Variants in CNTN5 observed in about 807,000 individuals in gnomAD.
CNTN5 encodes contactin 5.
Under a neutral mutation model 129.1 loss-of-function variants are expected in CNTN5, and 77 were observed. The ratio of observed to expected loss-of-function variants is 0.60; its 90% CI spans 0.50 to 0.72. The LOEUF (loss-of-function observed/expected upper bound fraction) is 0.72. CNTN5 is among the 30% of genes least tolerant of loss of function. CNTN5 has a pLI of 0.00. For missense variants in CNTN5, 1,478 were observed against 1,328.8 expected (o/e 1.11, Z -1.75); for synonymous variants, 509 against 465.6 (o/e 1.09, Z -1.20).
At chr11:99,676,154 T>C (rs1294799309) in intron 3 of CNTN5, among the ~76,000 whole-genome samples, 2 of 137,292 alleles carry the variant, frequency 1.5e-5, no homozygotes, top group Admixed American at 7.8e-5. Context: ...TTTATAATTA[T>C]TGATTTTATT....
intron 21 of CNTN5, among the ~76,000 whole-genome samples, chr11:100,313,448 CAAA>C (rs35425874): frequency 3.9e-5 from 5 of 127,746 alleles, no homozygotes; most frequent in African/African-American, 5.9e-5. Context: ...GTGCCATTTA[CAAA>C]AAAAAAAAAA....
chr11:99,963,294 C>G (rs1251246789), intron 8 of CNTN5, among the ~76,000 whole-genome samples: 3 of 152,172 alleles, frequency 2.0e-5, no homozygotes, highest in African/African-American at 7.2e-5. Flanking sequence ...GGTTTTAGGT[C>G]TAACATGTAA....
chr11:100,297,741 G>T, intron 19 of CNTN5, 46 bp downstream of exon 19: 2 of 1,371,588 alleles, frequency 1.5e-6, no homozygotes, highest in East Asian at 2.4e-5. Flanking sequence ...GTGTTTGTTT[G>T]GCTTAGTGTG....
chr11:100,329,843 A>T (rs1951867943), intron 21 of CNTN5, among the ~76,000 whole-genome samples: 1 of 152,206 alleles, frequency 6.6e-6, no homozygotes, highest in African/African-American at 2.4e-5. Context: ...TTAATCCCAG[A>T]TCTTCCCTCT....
At chr11:99,492,395 T>A (rs1946070414) in intron 2 of CNTN5, among the ~76,000 whole-genome samples, 1 of 152,200 alleles carries the variant, frequency 6.6e-6, no homozygotes. Context: ...ATTTATTTTT[T>A]CTTTCTCAGG....
intron 3 of CNTN5, among the ~76,000 whole-genome samples, chr11:99,770,597 T>A (rs1056581711): frequency 6.6e-6 from 1 of 152,102 alleles, no homozygotes; most frequent in African/African-American, 2.4e-5. Flanking sequence ...GTATTATGTC[T>A]TTATTTGTGT....
At chr11:99,859,236 G>A (rs373548832) in intron 6 of CNTN5, among the ~76,000 whole-genome samples, 6 of 152,198 alleles carry the variant, frequency 3.9e-5, no homozygotes, top group African/African-American at 1.4e-4. Context: ...GAACTGAAAA[G>A]GATCATATAT....
intron 3 of CNTN5, among the ~76,000 whole-genome samples, chr11:99,597,974 C>T (rs1457479968): frequency 6.6e-6 from 1 of 152,068 alleles, no homozygotes; most frequent in African/African-American, 2.4e-5. Flanking sequence ...ATAGTAAGCC[C>T]TCATTGACAC....
rs576554433 is a variant in CNTN5, at chr11:100,138,589, T to A, written c.1581-52537T>A. The stretch of plus-strand genomic sequence containing the variant: ...ATTTAAGAAACAGCAAACAGATTAC[T>A]ATGGCTGATGATGATTGAGTGATGG... On this transcript the variant is annotated intron_variant, in intron 13 of 24. Transcript: ENST00000524871. Among the ~76,000 whole-genome samples, 4 of 152,182 alleles carry A rather than the reference T, an allele frequency of 2.6e-5. No homozygotes were observed. In the East Asian group the frequency reaches 7.8e-4, roughly 29 times the overall value.
intron 1 of CNTN5, among the ~76,000 whole-genome samples, chr11:99,228,706 A>G (rs2135721814): frequency 6.6e-6 from 1 of 152,198 alleles, no homozygotes; most frequent in Non-Finnish European, 1.5e-5. Context: ...CTTTGAAGTT[A>G]GAGATTTTTT....
At chr11:99,634,373 T>C (rs1951472469) in intron 3 of CNTN5, among the ~76,000 whole-genome samples, 1 of 152,162 alleles carries the variant, frequency 6.6e-6, no homozygotes, top group Non-Finnish European at 1.5e-5. Flanking sequence ...TAGATGAAAG[T>C]GGACAGGCTT....
intron 3 of CNTN5, among the ~76,000 whole-genome samples, chr11:99,752,146 G>A (rs1944257628): frequency 6.6e-6 from 1 of 152,070 alleles, no homozygotes; most frequent in Non-Finnish European, 1.5e-5. Flanking sequence ...GTATGTAATT[G>A]CTCCCTCTCT....
chr11:99,163,692 G>A (rs937167339), intron 1 of CNTN5, among the ~76,000 whole-genome samples: 1 of 152,128 alleles, frequency 6.6e-6, no homozygotes, highest in African/African-American at 2.4e-5. Flanking sequence ...AGAGAATCAT[G>A]GCAGTTTCAG....
intron 13 of CNTN5, among the ~76,000 whole-genome samples, chr11:100,170,134 CTAT>C (rs1462671397): frequency 6.6e-6 from 1 of 151,998 alleles, no homozygotes; most frequent in East Asian, 1.9e-4. Flanking sequence ...TGAACGCCTT[CTAT>C]TAGTCCTTGC....
intron 4 of CNTN5, among the ~76,000 whole-genome samples, chr11:99,827,386 G>A (rs910849628): frequency 1.3e-5 from 2 of 152,190 alleles, no homozygotes; most frequent in African/African-American, 2.4e-5. Flanking sequence ...ACTGTGCCCA[G>A]CCCATTCATT....
chr11:99,210,028 A>G (rs989020709), intron 1 of CNTN5, among the ~76,000 whole-genome samples: 7 of 152,312 alleles, frequency 4.6e-5, no homozygotes, highest in African/African-American at 1.7e-4. Flanking sequence ...CTATAGCTCC[A>G]TAGTCAGAAC....
chr11:99,879,183 C>A (rs1591355755), intron 6 of CNTN5, among the ~76,000 whole-genome samples: 1 of 152,124 alleles, frequency 6.6e-6, no homozygotes, highest in Non-Finnish European at 1.5e-5. Flanking sequence ...GGTGATCCAC[C>A]CACCTCGGCC....
intron 13 of CNTN5, among the ~76,000 whole-genome samples, chr11:100,092,939 TGAGTTTCG>T (rs1337072128): frequency 6.6e-6 from 1 of 152,122 alleles, no homozygotes; most frequent in East Asian, 1.9e-4. Flanking sequence ...TTAGTATTTC[TGAGTTTCG>T]CAGATCCCTA....
At chr11:99,902,163 C>A (rs1047221391) in intron 6 of CNTN5, among the ~76,000 whole-genome samples, 1 of 151,780 alleles carries the variant, frequency 6.6e-6, no homozygotes, top group East Asian at 1.9e-4. Context: ...AGATTAGTAA[C>A]CTTTTCTACT....
Sources: gnomAD v4.1 joint callset for allele counts (sites outside exome capture counted in the v4.1 genomes callset) on GRCh38, gnomAD v4.1.1 for gene constraint, MANE v1.5 for transcripts, NCBI Gene and HGNC (gene_info 2026-07-23, HGNC 2026-07-21) for gene names.